Variants in VRTN observed in about 807,000 individuals in gnomAD.
VRTN encodes the protein vertnin.
VRTN carries 5 observed loss-of-function variants against 18.2 expected under a neutral mutation model. That is an observed-to-expected ratio of 0.27 (90% CI 0.14 to 0.58). The LOEUF (loss-of-function observed/expected upper bound fraction) is 0.58, where lower values mean the gene tolerates loss of function less well. VRTN is among the 20% of genes least tolerant of loss of function. VRTN has a pLI of 0.91. For synonymous variants in VRTN, 381 were observed against 393.7 expected (o/e 0.97, Z 0.38); for missense variants, 741 against 939.4 (o/e 0.79, Z 2.76).
At chr14:74,340,256 GCA>G (rs2085594126) in intron 2 of VRTN, among the ~76,000 whole-genome samples, 1 of 152,110 alleles carries the variant, frequency 6.6e-6, no homozygotes, top group Admixed American at 6.6e-5. Context: ...GGGATTATAG[GCA>G]TGTGCCACCA....
intron 1 of VRTN, among the ~76,000 whole-genome samples, chr14:74,317,041 G>A (rs1039043159): frequency 6.6e-6 from 1 of 152,138 alleles, no homozygotes; most frequent in African/African-American, 2.4e-5. Context: ...GCCAGGTCAT[G>A]TAGAGTCTTG....
chr14:74,327,181 G>A (rs368681041), intron 1 of VRTN, among the ~76,000 whole-genome samples: 9 of 152,054 alleles, frequency 5.9e-5, no homozygotes, highest in African/African-American at 1.7e-4. Context: ...TAGGTGCGTC[G>A]CATCTGTTTC....
At chr14:74,343,416 G>A (rs143269924) in intron 2 of VRTN, among the ~76,000 whole-genome samples, 1 of 152,186 alleles carries the variant, frequency 6.6e-6, no homozygotes, top group African/African-American at 2.4e-5. Context: ...GTGAGCCACC[G>A]TGCCTGACTG....
At chr14:74,329,893 A>G (rs1287896354) in intron 1 of VRTN, among the ~76,000 whole-genome samples, 2 of 128,516 alleles carry the variant, frequency 1.6e-5, no homozygotes, top group African/African-American at 3.2e-5. Context: ...TTTTTTTTGA[A>G]ACAGAGTCTT....
At position 74,359,005 on chromosome 14, in the gene VRTN, C is replaced by T. The variant is rs1694266461; in HGVS notation, c.*113C>T. The T allele has an allele frequency of 4.1e-6, 6 of 1,457,250 alleles. No individual in the cohort carries two copies. Among genetic ancestry groups the T allele is most frequent in the African/African-American group, 1.4e-5 (1 of 70,022 alleles). 90.3% of individuals were successfully genotyped at this position (1,457,250 alleles called of 1,614,324 possible). On this transcript the variant is annotated 3_prime_UTR_variant, in exon 2 of 2. Coordinates refer to ENST00000256362, the MANE Select transcript of VRTN (RefSeq NM_018228.3). ...TCCTTTGCTCTGGGTCCCACAGTGT[C>T]TACCCTAAGTCCAAGGGTATATTTG...
At chr14:74,329,889 T>C (rs1264352620) in intron 1 of VRTN, among the ~76,000 whole-genome samples, 1 of 151,180 alleles carries the variant, frequency 6.6e-6, no homozygotes, top group Non-Finnish European at 1.5e-5. Flanking sequence ...TTTTTTTTTT[T>C]TGAAACAGAG....
At chr14:74,340,875 T>C (rs1290556753) in intron 2 of VRTN, among the ~76,000 whole-genome samples, 2 of 152,100 alleles carry the variant, frequency 1.3e-5, no homozygotes, top group African/African-American at 4.8e-5. Context: ...CTCAGCCTCC[T>C]GAGTAGCTGG....
At chr14:74,329,452 T>G (rs1595167841) in intron 1 of VRTN, among the ~76,000 whole-genome samples, 1 of 151,828 alleles carries the variant, frequency 6.6e-6, no homozygotes, top group Admixed American at 6.6e-5. Context: ...TTTGTAGAGA[T>G]GAGGTTTTGC....
intron 1 of VRTN, among the ~76,000 whole-genome samples, chr14:74,331,570 A>G (rs1433247375): frequency 9.5e-6 from 1 of 105,026 alleles, no homozygotes; most frequent in Non-Finnish European, 2.1e-5. Context: ...ATATATATAT[A>G]TATATATATA....
chr14:74,351,572 TC>T (rs2085684798), intron 1 of VRTN, among the ~76,000 whole-genome samples: 1 of 143,540 alleles, frequency 7.0e-6, no homozygotes, highest in Non-Finnish European at 1.5e-5. Flanking sequence ...ATAATCTCAG[TC>T]CCCTGAGGCT....
intron 1 of VRTN, chr14:74,305,540 C>G (rs1446485523): frequency 5.0e-6 from 1 of 198,114 alleles, no homozygotes; most frequent in African/African-American, 2.4e-5. Context: ...TGTAAAGAAG[C>G]AAAAGACTGG....
rs113374328 is a variant in VRTN, at chr14:74,359,854, T to C, written c.*962T>C. The C allele has an allele frequency of 1.1e-4, 19 of 166,966 alleles. No homozygotes were observed. Among genetic ancestry groups the C allele is most frequent in the African/African-American group, 2.2e-4 (9 of 41,404 alleles). 10.3% of individuals were successfully genotyped at this position (166,966 alleles called of 1,614,324 possible). ...AGTCCTCGGCCAGCCTGGCTGTCAG[T>C]TGGGGATTCCACCTTTCTGCTGAGC... On this transcript the variant is annotated 3_prime_UTR_variant, in exon 2 of 2. Transcript: ENST00000256362.
chr14:74,357,610 G>A lies in VRTN; in HGVS notation c.827G>A (p.Arg276His), dbSNP rs960854117. 1.1e-5 allele frequency: 18 copies of A among 1,613,906 alleles called. No homozygotes were observed. The highest frequency in any genetic ancestry group is 4.0e-5 in the African/African-American group (3 of 74,936). ...GCCAAGACCCTGGAGCTGCTCAACC[G>A]TGAACCTGGCCTCAGCTACTCTCAC... ...SPAKTLELLN[R>H]EPGLSYSHLC... is the part of the protein sequence containing the mutation. Residue 276 changes from arginine to histidine, a missense_variant, in exon 2 of 2, where the codon CGT (arginine) becomes CAT (histidine). Physicochemically the swap from Arg to His is conservative, Grantham distance 29. Coordinates refer to ENST00000256362, the MANE Select transcript of VRTN (RefSeq NM_018228.3). This position sits in a 1 kb window ranked among gnomAD's most constrained non-coding sequence, Gnocchi z 7.8.
At chr14:74,347,133 T>C (rs539014037), upstream of VRTN, among the ~76,000 whole-genome samples, 2 of 152,326 alleles carry the variant, frequency 1.3e-5, no homozygotes, top group East Asian at 3.9e-4. Flanking sequence ...TCTAAATGTT[T>C]TAAATTTTAT....
At chr14:74,346,842 T>C (rs3759747), upstream of VRTN, among the ~76,000 whole-genome samples, 108,570 of 152,234 alleles carry the variant, frequency 0.71, 38,813 homozygotes, top group South Asian at 0.76. Context: ...AAAAACACTT[T>C]GAAAGATTCC....
At chr14:74,318,690 G>A (rs1273059172) in intron 1 of VRTN, among the ~76,000 whole-genome samples, 2 of 151,574 alleles carry the variant, frequency 1.3e-5, no homozygotes, top group Non-Finnish European at 2.9e-5. Flanking sequence ...GGGATTACAG[G>A]CGTGAGCCAC....
chr14:74,357,410 C>A lies in VRTN; in HGVS notation c.627C>A (p.Arg209=). The A allele has an allele frequency of 6.2e-7, 1 of 1,613,072 alleles. No individual in the cohort carries two copies. Among genetic ancestry groups the A allele is most frequent in the Non-Finnish European group, 8.5e-7 (1 of 1,180,024 alleles). ...ACTTCAACCGTGTCATCCGGCCCCG[C>A]CGCTGCGACCACGTGCCCTCCACGC... ...RPYFNRVIRP[R]RCDHVPSTLH... is the part of the protein sequence containing the mutation. The change falls in exon 2 of 2, where the codon CGC becomes CGA. Residue 209 remains arginine, a synonymous_variant. Coordinates refer to ENST00000256362, the MANE Select transcript of VRTN (RefSeq NM_018228.3). This position sits in a 1 kb window ranked among gnomAD's most constrained non-coding sequence, Gnocchi z 7.8.
upstream of VRTN, among the ~76,000 whole-genome samples, chr14:74,344,743 A>AAAAAAAAAG (rs1425106645): frequency 4.1e-5 from 6 of 146,416 alleles, 1 homozygote; most frequent in African/African-American, 1.6e-4. Context: ...TAAAAAAAAA[A>AAAAAAAAAG]AAAATGAAAA....
chr14:74,357,923 G>T lies in VRTN; in HGVS notation c.1140G>T (p.Glu380Asp), dbSNP rs764475497. The T allele has an allele frequency of 3.1e-6, 5 of 1,614,086 alleles. No homozygotes were observed. In the Admixed American group the frequency reaches 8.3e-5, roughly 27 times the overall value. Reference sequence around the variant, plus strand: ...AGGAGCTAGAGAAGCTGCCGGAGGAGCAGGTGGCTGAGGAGGAGCTGGAGT... The same window carrying T: ...AGGAGCTAGAGAAGCTGCCGGAGGATCAGGTGGCTGAGGAGGAGCTGGAGT... ...GMEELEKLPEEQVAEEELECS... is the reference protein window; with the variant it reads ...GMEELEKLPEDQVAEEELECS... Residue 380 changes from glutamate (E) to aspartate (D), a missense_variant, in exon 2 of 2, where the codon GAG (glutamate) becomes GAT (aspartate). Transcript: ENST00000256362. The surrounding 1 kb of genome is among the most constrained non-coding windows in gnomAD (Gnocchi z 7.8).
Sources: gnomAD v4.1 joint callset for allele counts (sites outside exome capture counted in the v4.1 genomes callset) on GRCh38, gnomAD v4.1.1 for gene constraint, Gnocchi (gnomAD v3.1) non-coding constraint, MANE v1.5 for transcripts, NCBI Gene and HGNC (gene_info 2026-07-23, HGNC 2026-07-21) for gene names.